The following GABRB2 variants were observed in gnomAD, a reference collection of about 807,000 sequenced individuals.
GABRB2 encodes gamma-aminobutyric acid type A receptor subunit beta2, also known as gamma-aminobutyric acid receptor subunit beta-2.
Under a neutral mutation model 54.7 loss-of-function variants are expected in GABRB2, and 16 were observed. That is an observed-to-expected ratio of 0.29 (90% CI 0.20 to 0.44). The LOEUF is 0.44. Among genes scored for constraint, GABRB2 ranks in the 20% least tolerant of loss-of-function variants. GABRB2 has a pLI of 1.00. For synonymous variants in GABRB2, 244 were observed against 233.8 expected (o/e 1.04, Z -0.40); for missense variants, 355 against 644.0 (o/e 0.55, Z 4.86).
upstream of GABRB2, among the ~76,000 whole-genome samples, chr5:161,547,488 T>C (rs1761023585): frequency 6.6e-6 from 1 of 152,052 alleles, no homozygotes; most frequent in Non-Finnish European, 1.5e-5. Context: ...CTTTGCCCCC[T>C]ATTCCCAGAG....
chr5:161,469,590 C>A (rs545515536), intron 3 of GABRB2, among the ~76,000 whole-genome samples: 1 of 151,916 alleles, frequency 6.6e-6, no homozygotes, highest in South Asian at 2.1e-4. Flanking sequence ...CTTCACCTCA[C>A]CAGGAAATGT....
chr5:161,494,883 T>C (rs1490154056), intron 3 of GABRB2, among the ~76,000 whole-genome samples: 1 of 151,930 alleles, frequency 6.6e-6, no homozygotes, highest in Non-Finnish European at 1.5e-5. Flanking sequence ...CAGTATATGC[T>C]ATTACTCAGA....
chr5:161,512,063 C>T (rs1288619643), intron 3 of GABRB2, among the ~76,000 whole-genome samples: 3 of 151,838 alleles, frequency 2.0e-5, no homozygotes, highest in South Asian at 2.1e-4. Flanking sequence ...CTCTACCCCT[C>T]GAATCTCCTG....
intron 3 of GABRB2, among the ~76,000 whole-genome samples, chr5:161,476,685 T>A (rs973930950): frequency 6.6e-6 from 1 of 151,764 alleles, no homozygotes; most frequent in Non-Finnish European, 1.5e-5. Flanking sequence ...GACTACCCAA[T>A]AAAGATGAGA....
intron 3 of GABRB2, among the ~76,000 whole-genome samples, chr5:161,528,775 G>T (rs939934898): frequency 6.6e-6 from 1 of 151,718 alleles, no homozygotes; most frequent in Non-Finnish European, 1.5e-5. Context: ...TATTAATCCA[G>T]TTGAATATTT....
At position 161,411,018 on chromosome 5, in the gene GABRB2, C is replaced by T; in HGVS notation, c.498G>A (p.Arg166=). 3.1e-6 allele frequency: 5 copies of T among 1,613,640 alleles called. No individual in the cohort carries two copies. The highest frequency in any genetic ancestry group is 4.2e-6 in the Non-Finnish European group (5 of 1,179,652). ...TGCAGTTTTGTTCATCCAGTGGGTA[C>T]CTCCTTAGGTCCATCATGCAGGCAG... ...TTAACMMDLR[R]YPLDEQNCTL... The change falls in exon 5 of 10, where the codon AGG becomes AGA. Residue 166 remains arginine (R), a synonymous_variant. Transcript: ENST00000393959.
intron 3 of GABRB2, among the ~76,000 whole-genome samples, chr5:161,515,531 G>C (rs962695729): frequency 1.3e-5 from 2 of 151,890 alleles, no homozygotes; most frequent in South Asian, 2.1e-4. Flanking sequence ...TTTAAGGTCT[G>C]GTATGCTTCA....
chr5:161,471,571 T>C (rs1429648100), intron 3 of GABRB2, among the ~76,000 whole-genome samples: 2 of 152,026 alleles, frequency 1.3e-5, no homozygotes, highest in African/African-American at 4.8e-5. Flanking sequence ...GAAACACAAA[T>C]GCACATGGTC....
chr5:161,544,483 C>T (rs939777148), intron 3 of GABRB2, among the ~76,000 whole-genome samples: 2 of 152,190 alleles, frequency 1.3e-5, no homozygotes, highest in South Asian at 4.1e-4. Context: ...AAGCAAACCC[C>T]CCAACACGTG....
At chr5:161,368,768 A>T (rs763791424) in intron 5 of GABRB2, among the ~76,000 whole-genome samples, 1 of 152,184 alleles carries the variant, frequency 6.6e-6, no homozygotes, top group Non-Finnish European at 1.5e-5. Context: ...GGGTTAGACA[A>T]GGAAAGAAGC....
rs527611001 is a variant in GABRB2, at chr5:161,293,712, G to A, written c.*369C>T. On this transcript the variant is annotated 3_prime_UTR_variant, in exon 10 of 10. Transcript: ENST00000393959. ...CTCAACAGCATGCCGACCTTAAAAAGGAAGATGAGGAGTATCTGGTTATGA... is the reference window on the plus strand; with the variant it reads ...CTCAACAGCATGCCGACCTTAAAAAAGAAGATGAGGAGTATCTGGTTATGA... 1 of 189,114 alleles carries A rather than the reference G, an allele frequency of 5.3e-6. No individual in the cohort carries two copies. The highest frequency in any genetic ancestry group is 1.1e-5 in the Non-Finnish European group (1 of 90,758). 11.7% of individuals were successfully genotyped at this position (189,114 alleles called of 1,614,324 possible). A position where few individuals can be genotyped will look rare whatever the true frequency, so the allele number is the denominator to read the frequency against.
intron 4 of GABRB2, among the ~76,000 whole-genome samples, chr5:161,424,125 C>A (rs957042151): frequency 6.6e-6 from 1 of 152,114 alleles, no homozygotes; most frequent in African/African-American, 2.4e-5. Context: ...GGAAAGAAGG[C>A]ATCTCCATAA....
At chr5:161,513,819 T>C (rs1759853506) in intron 3 of GABRB2, among the ~76,000 whole-genome samples, 1 of 152,048 alleles carries the variant, frequency 6.6e-6, no homozygotes, top group African/African-American at 2.4e-5. Flanking sequence ...AAAAATAAAA[T>C]ACAGATAAAT....
chr5:161,328,424 A>T (rs762738345), intron 8 of GABRB2, among the ~76,000 whole-genome samples: 6 of 152,184 alleles, frequency 3.9e-5, no homozygotes, highest in Non-Finnish European at 7.3e-5. Context: ...CATTATCACA[A>T]TTATGTTCAT....
At position 161,394,607 on chromosome 5, in the gene GABRB2, A is replaced by AC. The variant is rs1196465670; in HGVS notation, c.541+16367_541+16368insG. On this transcript the variant is annotated intron_variant, in intron 5 of 9. Coordinates refer to ENST00000393959, the MANE Select transcript of GABRB2 (RefSeq NM_001371727.1). Reference sequence around the variant, plus strand: ...TCAACATCTTAGAATAAATGGAAAAAAATTATTGAGAACTAAAATGTACTA... The same window carrying AC: ...TCAACATCTTAGAATAAATGGAAAAACAATTATTGAGAACTAAAATGTACTA... 3.3e-5 allele frequency among the ~76,000 whole-genome samples: 5 copies of AC among 152,096 alleles called. 1 individual carries two copies. The highest frequency in any genetic ancestry group is 1.2e-4 in the African/African-American group (5 of 41,460).
At chr5:161,325,990 T>C (rs1677381) in intron 9 of GABRB2, among the ~76,000 whole-genome samples, 45,580 of 151,900 alleles carry the variant, frequency 0.3, 7,449 homozygotes, top group African/African-American at 0.42. Context: ...ACAAAAGAAA[T>C]GTTTAATTCA....
At chr5:161,396,004 T>C (rs1470162289) in intron 5 of GABRB2, among the ~76,000 whole-genome samples, 1 of 152,232 alleles carries the variant, frequency 6.6e-6, no homozygotes, top group Non-Finnish European at 1.5e-5. Flanking sequence ...TGATCTTCTC[T>C]TCCTGCATTC....
intron 4 of GABRB2, among the ~76,000 whole-genome samples, chr5:161,431,202 C>T (rs930578362): frequency 6.6e-6 from 1 of 151,988 alleles, no homozygotes; most frequent in Non-Finnish European, 1.5e-5. Flanking sequence ...ATTTCAGTGC[C>T]TGTGATAATT....
intron 5 of GABRB2, among the ~76,000 whole-genome samples, chr5:161,365,744 A>T (rs1754953516): frequency 1.3e-5 from 2 of 152,178 alleles, no homozygotes; most frequent in Non-Finnish European, 1.5e-5. Context: ...TTATCTCCAA[A>T]GCATGTTTAA....
Sources: allele counts gnomAD v4.1 joint callset (sites outside exome capture counted in the v4.1 genomes callset), GRCh38; gene constraint gnomAD v4.1.1; transcripts MANE v1.5; gene names NCBI Gene and HGNC (gene_info 2026-07-23, HGNC 2026-07-21).